SMAD2: variants seen among roughly 807,000 people sequenced by gnomAD.
SMAD2 encodes MAD homolog 2.
In SMAD2, 8 loss-of-function variants were observed where a neutral mutation model predicts 64.4. The ratio of observed to expected loss-of-function variants is 0.12; its 90% CI spans 0.07 to 0.22. The LOEUF is 0.22. SMAD2 is among the 10% of genes least tolerant of loss of function. SMAD2 has a pLI of 1.00. For synonymous variants in SMAD2, 203 were observed against 195.8 expected (o/e 1.04, Z -0.31); for missense variants, 289 against 561.2 (o/e 0.51, Z 4.90).
rs1912356611 is a variant in SMAD2, at chr18:47,816,105, CCG to C, written c.*25720_*25721del. On this transcript the variant is annotated 3_prime_UTR_variant, in exon 11 of 11. Coordinates refer to ENST00000262160, the MANE Select transcript of SMAD2 (RefSeq NM_005901.6). ...TACCTCATGTCTTGGCTTCTAGAGC[CCG>C]GAGATAAGATCAGCTTCCCTTGAAA... is the stretch of plus-strand genomic sequence containing the variant. 1 of 152,056 alleles carries C rather than the reference CCG, an allele frequency of 6.6e-6. No homozygotes were observed. Among genetic ancestry groups the C allele is most frequent in the African/African-American group, 2.4e-5 (1 of 41,388 alleles). 9.4% of individuals were successfully genotyped at this position (152,056 alleles called of 1,614,324 possible).
chr18:47,918,027 C>T (rs1299184906), intron 1 of SMAD2, among the ~76,000 whole-genome samples: 3 of 152,092 alleles, frequency 2.0e-5, no homozygotes, highest in African/African-American at 7.2e-5. Context: ...ACACAGAAAC[C>T]TCAAAAAGTT....
rs1912580251 is a variant in SMAD2 at position 47,821,640 on chromosome 18, T to C, written c.*20187A>G. ...TTTTCATCAGATTCAACTTTCAGTA[T>C]ATCCAAATAGGCTTCCCATAAGTAA... On this transcript the variant is annotated 3_prime_UTR_variant, in exon 11 of 11. Coordinates refer to ENST00000262160, the MANE Select transcript of SMAD2 (RefSeq NM_005901.6). 1 of 152,252 alleles carries C rather than the reference T, an allele frequency of 6.6e-6. No individual in the cohort carries two copies. 9.4% of individuals were successfully genotyped at this position (152,252 alleles called of 1,614,324 possible).
upstream of SMAD2, chr18:47,930,805 G>A (rs1016305245): frequency 1.4e-5 from 2 of 146,008 alleles, no homozygotes; most frequent in African/African-American, 4.9e-5. Flanking sequence ...CCCACCTCCC[G>A]GCGGCTGGCG....
At chr18:47,887,152 G>A (rs2032955960) in intron 2 of SMAD2, among the ~76,000 whole-genome samples, 1 of 152,104 alleles carries the variant, frequency 6.6e-6, no homozygotes. Context: ...CTCTTCCCAA[G>A]CTGCTTTTAT....
At chr18:47,872,141 C>T (rs1240192049) in intron 2 of SMAD2, among the ~76,000 whole-genome samples, 1 of 152,160 alleles carries the variant, frequency 6.6e-6, no homozygotes, top group Non-Finnish European at 1.5e-5. Flanking sequence ...TAGACCCCAA[C>T]CCTAATTCGG....
At chr18:47,894,569 G>A (rs1333336079) in intron 2 of SMAD2, among the ~76,000 whole-genome samples, 6 of 152,122 alleles carry the variant, frequency 3.9e-5, no homozygotes, top group Non-Finnish European at 4.4e-5. Flanking sequence ...CGCACTACAT[G>A]TGATGAAACA....
At position 47,841,738 on chromosome 18, in the gene SMAD2, A is replaced by T. The variant is rs781509025; in HGVS notation, c.*89T>A. 1 of 1,492,514 alleles carries T rather than the reference A, an allele frequency of 6.7e-7. No individual in the cohort carries two copies. The highest frequency in any genetic ancestry group is 9.3e-7 in the Non-Finnish European group (1 of 1,073,282). The allele number at this position is 1,492,514 out of a possible 1,614,324, so 92.5% of individuals were successfully genotyped here. Reference sequence around the variant, plus strand: ...GCTGTTTTCTCTCTTGAACTTTTGGATAGTAAACAGTCCATAGGGACCACA... The same window carrying T: ...GCTGTTTTCTCTCTTGAACTTTTGGTTAGTAAACAGTCCATAGGGACCACA... On this transcript the variant is annotated 3_prime_UTR_variant, in exon 11 of 11. Coordinates refer to ENST00000262160, the MANE Select transcript of SMAD2 (RefSeq NM_005901.6).
At chr18:47,915,436 A>G (rs1194968335) in intron 1 of SMAD2, among the ~76,000 whole-genome samples, 1 of 152,190 alleles carries the variant, frequency 6.6e-6, no homozygotes, top group Non-Finnish European at 1.5e-5. Context: ...TTCACTGTCC[A>G]TTCACTCTGG....
chr18:47,923,307 G>A (rs1357307421), intron 1 of SMAD2, among the ~76,000 whole-genome samples: 2 of 152,050 alleles, frequency 1.3e-5, no homozygotes, highest in Non-Finnish European at 2.9e-5. Flanking sequence ...TTCTGAAGCA[G>A]CAACTAATAC....
At chr18:47,929,363 T>C (rs548227023) in intron 1 of SMAD2, among the ~76,000 whole-genome samples, 1 of 152,198 alleles carries the variant, frequency 6.6e-6, no homozygotes, top group Non-Finnish European at 1.5e-5. Context: ...CAGGTTCAAT[T>C]CATATGAAGT....
intron 6 of SMAD2, among the ~76,000 whole-genome samples, chr18:47,861,196 A>G (rs1190466733): frequency 6.6e-6 from 1 of 152,156 alleles, no homozygotes; most frequent in East Asian, 1.9e-4. Context: ...TCTCTACTAA[A>G]ATACGAAAAA....
rs1416638254 is a variant in SMAD2, at chr18:47,845,004, T to C, written c.1280+336A>G. Reference sequence around the variant, plus strand: ...TGAAATCCAATGCACCTTTTACAACTAGATCATGTGCCATCAAGTTTTCCT... The same window carrying C: ...TGAAATCCAATGCACCTTTTACAACCAGATCATGTGCCATCAAGTTTTCCT... On this transcript the variant is annotated intron_variant, in intron 10 of 10. Transcript: ENST00000262160. 2.6e-5 allele frequency: 14 copies of C among 533,178 alleles called. No homozygotes were observed. The East Asian group carries it at 4.3e-4, about 16-fold the overall frequency. The allele number at this position is 533,178 out of a possible 1,614,324, so 33.0% of individuals were successfully genotyped here. A position where few individuals can be genotyped will look rare whatever the true frequency, so the allele number is the denominator to read the frequency against.
chr18:47,835,034 C>T lies in SMAD2; in HGVS notation c.*6793G>A. 4.5e-6 allele frequency: 1 copy of T among 220,634 alleles called. No homozygotes were observed. Among genetic ancestry groups the T allele is most frequent in the Non-Finnish European group, 9.1e-6 (1 of 110,162 alleles). The allele number at this position is 220,634 out of a possible 1,614,324, so 13.7% of individuals were successfully genotyped here. On this transcript the variant is annotated 3_prime_UTR_variant, in exon 11 of 11. Coordinates refer to ENST00000262160, the MANE Select transcript of SMAD2 (RefSeq NM_005901.6). ...CAGATATGAACATTTTTTATTCTGC[C>T]TACAATGCTGTGATCTAGTTCAACA...
chr18:47,907,675 A>C (rs926892001), intron 1 of SMAD2, among the ~76,000 whole-genome samples: 1 of 152,192 alleles, frequency 6.6e-6, no homozygotes, highest in African/African-American at 2.4e-5. Flanking sequence ...GAACTGGCCG[A>C]GCCCAGTGGC....
At chr18:47,902,357 G>C (rs2033718421) in intron 1 of SMAD2, among the ~76,000 whole-genome samples, 1 of 151,824 alleles carries the variant, frequency 6.6e-6, no homozygotes. Context: ...TAAGAGTCTT[G>C]GACTACCAAG....
Position 47,834,133 on chromosome 18 carries a change from A to T in SMAD2, c.*7694T>A. 4.7e-6 allele frequency: 1 copy of T among 213,620 alleles called. No individual in the cohort carries two copies. Among genetic ancestry groups the T allele is most frequent in the Non-Finnish European group, 9.5e-6 (1 of 105,670 alleles). 13.2% of individuals were successfully genotyped at this position (213,620 alleles called of 1,614,324 possible). On this transcript the variant is annotated 3_prime_UTR_variant, in exon 11 of 11. Transcript: ENST00000262160. ...GGCACATATCCCAATAAGTATCAGA[A>T]ATGTTGACAGCCATAGTGCAGCTGA...
chr18:47,870,045 AAAAAT>A (rs2031838239), intron 3 of SMAD2, among the ~76,000 whole-genome samples: 1 of 152,078 alleles, frequency 6.6e-6, no homozygotes, highest in Non-Finnish European at 1.5e-5. Context: ...AAAGTAACAT[AAAAAT>A]GAGTTAACCT....
intron 8 of SMAD2, among the ~76,000 whole-genome samples, chr18:47,846,353 G>C (rs1914487118): frequency 2.0e-5 from 3 of 152,008 alleles, no homozygotes; most frequent in South Asian, 2.1e-4. Flanking sequence ...GATCACAGAT[G>C]CAAAATAATA....
chr18:47,862,563 T>TA (rs2031266294), intron 6 of SMAD2, among the ~76,000 whole-genome samples: 1 of 152,228 alleles, frequency 6.6e-6, no homozygotes, highest in African/African-American at 2.4e-5. Context: ...ACCAGTCATA[T>TA]AGAATTAGGG....
Sources: gnomAD v4.1 joint callset for allele counts (sites outside exome capture counted in the v4.1 genomes callset) on GRCh38, gnomAD v4.1.1 for gene constraint, MANE v1.5 for transcripts, NCBI Gene and HGNC (gene_info 2026-07-23, HGNC 2026-07-21) for gene names.